The following AGPAT4 variants were observed in gnomAD, a reference collection of about 807,000 sequenced individuals.
The protein encoded by AGPAT4 is 1-acylglycerol-3-phosphate O-acyltransferase 4.
In AGPAT4, 15 loss-of-function variants were observed where a neutral mutation model predicts 48.0. The observed-to-expected ratio is 0.31, with a 90% confidence interval of 0.21 to 0.48. The LOEUF is 0.48. AGPAT4 is among the 20% of genes least tolerant of loss of function. The pLI is 0.99. For synonymous variants in AGPAT4, 178 were observed against 198.7 expected, an observed-to-expected ratio of 0.90 and a Z score of 0.88; for missense variants, 314 against 482.5, an observed-to-expected ratio of 0.65 and a Z score of 3.27.
At position 161,243,581 on chromosome 6, in the gene AGPAT4, G is replaced by A. The variant is rs1045969876; in HGVS notation, c.-89-11279C>T. Among the ~76,000 whole-genome samples, 6 of 152,170 alleles carry A rather than the reference G, an allele frequency of 3.9e-5. No individual in the cohort carries two copies. Among genetic ancestry groups the A allele is most frequent in the African/African-American group, 1.4e-4 (6 of 41,438 alleles). On this transcript the variant is annotated intron_variant, in intron 1 of 8. Coordinates refer to ENST00000320285, the MANE Select transcript of AGPAT4 (RefSeq NM_020133.3). The surrounding 1 kb of genome is among the most constrained non-coding windows in gnomAD (Gnocchi z 4.8). ...AGCCTCCGGGTCTGTATCTGCTAAT[G>A]GAGGTGAAATTCCCTGCCTCCCACC... is the stretch of plus-strand genomic sequence containing the variant.
rs561878797 is a variant in AGPAT4, at chr6:161,261,354, T to C, written c.-90+12584A>G. Among the ~76,000 whole-genome samples the C allele has an allele frequency of 6.6e-6, 1 of 152,344 alleles. No individual in the cohort carries two copies. Among genetic ancestry groups the C allele is most frequent in the African/African-American group, 2.4e-5 (1 of 41,580 alleles). Reference sequence around the variant, plus strand: ...CAAGTGCTATTTCCCTTCGTGTGTATATCTGCCATCCCACGAAGCAGGCTT... The same window carrying C: ...CAAGTGCTATTTCCCTTCGTGTGTACATCTGCCATCCCACGAAGCAGGCTT... On this transcript the variant is annotated intron_variant, in intron 1 of 8. Coordinates refer to ENST00000320285, the MANE Select transcript of AGPAT4 (RefSeq NM_020133.3). The surrounding 1 kb of genome is among the most constrained non-coding windows in gnomAD (Gnocchi z 5.3).
chr6:161,175,495 T>A (rs1407443396), intron 2 of AGPAT4, among the ~76,000 whole-genome samples: 1 of 152,216 alleles, frequency 6.6e-6, no homozygotes, highest in Non-Finnish European at 1.5e-5. Flanking sequence ...AGTGGTGATA[T>A]CCCCTTTATC....
chr6:161,176,285 G>T (rs1780424657), intron 2 of AGPAT4, among the ~76,000 whole-genome samples: 1 of 152,140 alleles, frequency 6.6e-6, no homozygotes, highest in South Asian at 2.1e-4. Context: ...CTCTTTGTAG[G>T]TCTCTAAGGA....
Position 161,233,887 on chromosome 6 carries a change from C to A in AGPAT4, c.-89-1585G>T, listed in dbSNP as rs576833764. 3.9e-5 allele frequency among the ~76,000 whole-genome samples: 6 copies of A among 152,288 alleles called. No individual in the cohort carries two copies. The highest frequency in any genetic ancestry group is 6.5e-5 in the Admixed American group (1 of 15,302). ...ATCTCATTTTAAGGCTCCTATGAAT[C>A]CCACAAGACGAGTATTCTTATCATC... On this transcript the variant is annotated intron_variant, in intron 1 of 8. Coordinates refer to ENST00000320285, the MANE Select transcript of AGPAT4 (RefSeq NM_020133.3). The surrounding 1 kb of genome is among the most constrained non-coding windows in gnomAD (Gnocchi z 5.4).
Position 161,166,565 on chromosome 6 carries a change from T to C in AGPAT4, c.179-148A>G. On this transcript the variant is annotated intron_variant, in intron 2 of 8. Transcript: ENST00000320285. This position sits in a 1 kb window ranked among gnomAD's most constrained non-coding sequence, Gnocchi z 6.7. ...ATCGTTGCAGCACAGACCTTGGTCC[T>C]TGAAAGGGTTCAGAAGCGGAAGGAA... 1 of 779,298 alleles carries C rather than the reference T, an allele frequency of 1.3e-6. No homozygotes were observed. Among genetic ancestry groups the C allele is most frequent in the East Asian group, 3.0e-5 (1 of 33,142 alleles). The allele number at this position is 779,298 out of a possible 1,614,324, so 48.3% of individuals were successfully genotyped here. A position where few individuals can be genotyped will look rare whatever the true frequency, so the allele number is the denominator to read the frequency against.
In AGPAT4 at chr6:161,272,421, CA is replaced by C. The variant is rs1220805933; in HGVS notation, c.-90+1516del. Among the ~76,000 whole-genome samples, 5 of 152,042 alleles carry C rather than the reference CA, an allele frequency of 3.3e-5. No homozygotes were observed. The highest frequency in any genetic ancestry group is 1.2e-4 in the African/African-American group (5 of 41,398). On this transcript the variant is annotated intron_variant, in intron 1 of 8. Transcript: ENST00000320285. This position sits in a 1 kb window ranked among gnomAD's most constrained non-coding sequence, Gnocchi z 4.2. The stretch of plus-strand genomic sequence containing the variant: ...ATAAAAGCTAATTATTTGGGATGCC[CA>C]TCAGAAGAATGGTATCCCTTATCAA...
rs1286869271 is a variant in AGPAT4, at chr6:161,254,517, C to T, written c.-90+19421G>A. 6.6e-6 allele frequency among the ~76,000 whole-genome samples: 1 copy of T among 152,238 alleles called. No homozygotes were observed. The highest frequency in any genetic ancestry group is 6.5e-5 in the Admixed American group (1 of 15,286). On this transcript the variant is annotated intron_variant, in intron 1 of 8. Coordinates refer to ENST00000320285, the MANE Select transcript of AGPAT4 (RefSeq NM_020133.3). This position sits in a 1 kb window ranked among gnomAD's most constrained non-coding sequence, Gnocchi z 5.9. ...GCGAATATTTATAGAGCCTCTACCG[C>T]GTGGCCCTGGTGATCTTTTCTCACG...
At chr6:161,207,033 C>A (rs902665334) in intron 2 of AGPAT4, among the ~76,000 whole-genome samples, 1 of 152,164 alleles carries the variant, frequency 6.6e-6, no homozygotes, top group Non-Finnish European at 1.5e-5. Flanking sequence ...ATTCCATGGA[C>A]TTCCTGGTTT....
rs568607803 is a variant in AGPAT4 at position 161,161,286 on chromosome 6, C to T, written c.348+4962G>A. On this transcript the variant is annotated intron_variant, in intron 3 of 8. Transcript: ENST00000320285. This position sits in a 1 kb window ranked among gnomAD's most constrained non-coding sequence, Gnocchi z 4.6. ...GCGCTCCCACCTCCAGGATGGTAGT[C>T]GGTATGAACCCGCGGTGCAGCCATA... 8 of 456,716 alleles carry T rather than the reference C, an allele frequency of 1.8e-5. No homozygotes were observed. The highest frequency in any genetic ancestry group is 1.0e-4 in the African/African-American group (5 of 50,214). 28.3% of individuals were successfully genotyped at this position (456,716 alleles called of 1,614,324 possible). A position where few individuals can be genotyped will look rare whatever the true frequency, so the allele number is the denominator to read the frequency against.
Position 161,165,961 on chromosome 6 carries a change from T to C in AGPAT4, c.348+287A>G. 1 of 604,858 alleles carries C rather than the reference T, an allele frequency of 1.7e-6. No homozygotes were observed. Among genetic ancestry groups the C allele is most frequent in the Non-Finnish European group, 2.9e-6 (1 of 340,212 alleles). 37.5% of individuals were successfully genotyped at this position (604,858 alleles called of 1,614,324 possible). ...TCTATATAACTTAGTTTTTAAAAAA[T>C]GGAGTGTGGCACATCATCTATTCAT... is the stretch of plus-strand genomic sequence containing the variant. On this transcript the variant is annotated intron_variant, in intron 3 of 8. Coordinates refer to ENST00000320285, the MANE Select transcript of AGPAT4 (RefSeq NM_020133.3). This position sits in a 1 kb window ranked among gnomAD's most constrained non-coding sequence, Gnocchi z 5.5.
rs1783303048 is a variant in AGPAT4 at position 161,267,621 on chromosome 6, C to CTGAG, written c.-90+6313_-90+6316dup. Among the ~76,000 whole-genome samples the CTGAG allele has an allele frequency of 6.6e-6, 1 of 151,996 alleles. No individual in the cohort carries two copies. The highest frequency in any genetic ancestry group is 1.5e-5 in the Non-Finnish European group (1 of 68,018). On this transcript the variant is annotated intron_variant, in intron 1 of 8. Coordinates refer to ENST00000320285, the MANE Select transcript of AGPAT4 (RefSeq NM_020133.3). The surrounding 1 kb of genome is among the most constrained non-coding windows in gnomAD (Gnocchi z 5.2). ...CCTATAGTCCCAGCTACTCAGGAGGCTGAGGCAGGAGAATCGCTTGAACCC... is the reference window on the plus strand; with the variant it reads ...CCTATAGTCCCAGCTACTCAGGAGGCTGAGTGAGGCAGGAGAATCGCTTGAACCC...
At position 161,229,671 on chromosome 6, in the gene AGPAT4, C is replaced by T. The variant is rs1266231456; in HGVS notation, c.178+2365G>A. Reference sequence around the variant, plus strand: ...CTGGCTTATCACCATGAGGTGCCCACGAGCCACCCAGGATCATCACCCTCC... The same window carrying T: ...CTGGCTTATCACCATGAGGTGCCCATGAGCCACCCAGGATCATCACCCTCC... On this transcript the variant is annotated intron_variant, in intron 2 of 8. Coordinates refer to ENST00000320285, the MANE Select transcript of AGPAT4 (RefSeq NM_020133.3). This position sits in a 1 kb window ranked among gnomAD's most constrained non-coding sequence, Gnocchi z 6.0. Among the ~76,000 whole-genome samples, 2 of 152,146 alleles carry T rather than the reference C, an allele frequency of 1.3e-5. No homozygotes were observed. The highest frequency in any genetic ancestry group is 2.4e-5 in the African/African-American group (1 of 41,430).
In AGPAT4 at chr6:161,234,957, C is replaced by A. The variant is rs1349794578; in HGVS notation, c.-89-2655G>T. 6.6e-6 allele frequency among the ~76,000 whole-genome samples: 1 copy of A among 151,886 alleles called. No individual in the cohort carries two copies. The highest frequency in any genetic ancestry group is 1.5e-5 in the Non-Finnish European group (1 of 67,998). On this transcript the variant is annotated intron_variant, in intron 1 of 8. Transcript: ENST00000320285. This position sits in a 1 kb window ranked among gnomAD's most constrained non-coding sequence, Gnocchi z 4.4. ...TCACTAGCAATGCATGAACCAGGGT[C>A]TCAGATAGCATTGGTGAAGTGTAAA...
Position 161,149,218 on chromosome 6 carries a change from C to G in AGPAT4, c.736G>C (p.Gly246Arg). 1 of 1,613,568 alleles carries G rather than the reference C, an allele frequency of 6.2e-7. No homozygotes were observed. The highest frequency in any genetic ancestry group is 8.5e-7 in the Non-Finnish European group (1 of 1,179,940). The change falls in exon 6 of 9, where the codon GGA (glycine) becomes CGA (arginine). Residue 246 changes from glycine to arginine, a missense_variant. Transcript: ENST00000320285. This position sits in a 1 kb window ranked among gnomAD's most constrained non-coding sequence, Gnocchi z 6.5. ...ENPTLLGVLN[G>R]KKYHADLYVR... ...TACAAATCTGCATGGTATTTCTTTC[C>G]GTTTAGGACTCCCAGCAGTGTTGGA...
chr6:161,146,677 G>GT lies in AGPAT4; in HGVS notation c.768-79dup. The GT allele has an allele frequency of 1.4e-6, 2 of 1,397,132 alleles. No individual in the cohort carries two copies. The highest frequency in any genetic ancestry group is 2.0e-6 in the Non-Finnish European group (2 of 992,402). The allele number at this position is 1,397,132 out of a possible 1,614,324, so 86.5% of individuals were successfully genotyped here. A position where few individuals can be genotyped will look rare whatever the true frequency, so the allele number is the denominator to read the frequency against. On this transcript the variant is annotated intron_variant, in intron 6 of 8. Transcript: ENST00000320285. The surrounding 1 kb of genome is among the most constrained non-coding windows in gnomAD (Gnocchi z 7.1). Reference sequence around the variant, plus strand: ...TACAGTTTCCAGTAACGGTGCTGCCGTTTTTTGTTTTTATCTGGGTCACCT... The same window carrying GT: ...TACAGTTTCCAGTAACGGTGCTGCCGTTTTTTTGTTTTTATCTGGGTCACCT...
In AGPAT4 at chr6:161,132,509, C is replaced by G. The variant is rs1410493872; in HGVS notation, c.*4031G>C. ...CCTGGAATGCCAGCTCTCATGCCCT[C>G]ACCTAGAAACGCCTTCTCGGCTGAA... On this transcript the variant is annotated 3_prime_UTR_variant, in exon 9 of 9. Transcript: ENST00000320285. 6.6e-6 allele frequency: 1 copy of G among 152,482 alleles called. No homozygotes were observed. Among genetic ancestry groups the G allele is most frequent in the Non-Finnish European group, 1.5e-5 (1 of 68,230 alleles). 9.4% of individuals were successfully genotyped at this position (152,482 alleles called of 1,614,324 possible).
chr6:161,168,724 G>A (rs1013204221), intron 2 of AGPAT4, among the ~76,000 whole-genome samples: 3 of 152,176 alleles, frequency 2.0e-5, no homozygotes, highest in Non-Finnish European at 2.9e-5. Context: ...ACTGTCCAGG[G>A]AAAAGACAGC....
Position 161,217,002 on chromosome 6 carries a change from C to T in AGPAT4, c.178+15034G>A, listed in dbSNP as rs897764351. Among the ~76,000 whole-genome samples the T allele has an allele frequency of 6.6e-6, 1 of 152,222 alleles. No homozygotes were observed. The highest frequency in any genetic ancestry group is 1.5e-5 in the Non-Finnish European group (1 of 68,048). On this transcript the variant is annotated intron_variant, in intron 2 of 8. Transcript: ENST00000320285. The surrounding 1 kb of genome is among the most constrained non-coding windows in gnomAD (Gnocchi z 4.9). ...GTGGCTCTGATTCACCTTTGCTCACCTGCTGATGCGGTTCTCATGTTACAC... is the reference window on the plus strand; with the variant it reads ...GTGGCTCTGATTCACCTTTGCTCACTTGCTGATGCGGTTCTCATGTTACAC...
chr6:161,162,867 G>A (rs989993013), intron 3 of AGPAT4, among the ~76,000 whole-genome samples: 3 of 152,226 alleles, frequency 2.0e-5, no homozygotes, highest in African/African-American at 7.2e-5. Context: ...ATAAGCAAAT[G>A]GGGACGTGAA....
Sources: allele counts gnomAD v4.1 joint callset (sites outside exome capture counted in the v4.1 genomes callset), GRCh38; gene constraint gnomAD v4.1.1; non-coding constraint Gnocchi (gnomAD v3.1); transcripts MANE v1.5; gene names NCBI Gene and HGNC (gene_info 2026-07-23, HGNC 2026-07-21).